SNTB1: variants seen among roughly 807,000 people sequenced by gnomAD.
The protein encoded by SNTB1 is beta-1-syntrophin.
In SNTB1, 36 loss-of-function variants were observed where a neutral mutation model predicts 48.9. That is an observed-to-expected ratio of 0.74 (90% CI 0.56 to 0.97). The LOEUF is 0.97. SNTB1 is among the 50% of genes least tolerant of loss of function. The pLI, the probability that SNTB1 is intolerant of heterozygous loss-of-function variation, is 0.00. For synonymous variants in SNTB1, 299 were observed against 294.6 expected, an observed-to-expected ratio of 1.01 and a Z score of -0.15; for missense variants, 786 against 703.4, an observed-to-expected ratio of 1.12 and a Z score of -1.33.
Position 120,805,709 on chromosome 8 carries a change from T to C in SNTB1, c.571+5564A>G, listed in dbSNP as rs538078535. 4.6e-5 allele frequency among the ~76,000 whole-genome samples: 7 copies of C among 152,354 alleles called. No homozygotes were observed. The East Asian group carries it at 1.3e-3, about 29-fold the overall frequency. On this transcript the variant is annotated intron_variant, in intron 1 of 6. Coordinates refer to ENST00000517992, the MANE Select transcript of SNTB1 (RefSeq NM_021021.4). ...TACTAGGGTTTCTAGTAATTTGTTATAGCAGCAATAGAAAACTAGTACACC... is the reference window on the plus strand; with the variant it reads ...TACTAGGGTTTCTAGTAATTTGTTACAGCAGCAATAGAAAACTAGTACACC...
chr8:120,754,917 G>T (rs1819287842), intron 1 of SNTB1, among the ~76,000 whole-genome samples: 2 of 152,294 alleles, frequency 1.3e-5, no homozygotes, highest in African/African-American at 4.8e-5. Flanking sequence ...CGACAAGCAA[G>T]ATTATGAGTC....
intron 1 of SNTB1, among the ~76,000 whole-genome samples, chr8:120,704,264 A>C (rs1211620987): frequency 1.3e-5 from 2 of 152,170 alleles, no homozygotes; most frequent in African/African-American, 4.8e-5. Flanking sequence ...TAGCCTGAGC[A>C]ATACAGCATG....
At chr8:120,753,141 G>A (rs1819252182) in intron 1 of SNTB1, among the ~76,000 whole-genome samples, 1 of 151,950 alleles carries the variant, frequency 6.6e-6, no homozygotes, top group Non-Finnish European at 1.5e-5. Flanking sequence ...CAGGCAGTTT[G>A]GGCATAGAAA....
At chr8:120,675,136 C>T (rs1373578745) in intron 2 of SNTB1, among the ~76,000 whole-genome samples, 2 of 152,188 alleles carry the variant, frequency 1.3e-5, no homozygotes, top group African/African-American at 4.8e-5. Flanking sequence ...CAGTGGTCTT[C>T]ATCTGGGACC....
intron 1 of SNTB1, among the ~76,000 whole-genome samples, chr8:120,768,282 C>T (rs1002139994): frequency 6.6e-6 from 1 of 152,326 alleles, no homozygotes; most frequent in South Asian, 2.1e-4. Flanking sequence ...AGCACTAGAA[C>T]TTCAGCCATG....
chr8:120,705,497 G>T (rs1170318497), intron 1 of SNTB1, among the ~76,000 whole-genome samples: 1 of 152,154 alleles, frequency 6.6e-6, no homozygotes, highest in Non-Finnish European at 1.5e-5. Context: ...AATCAACAGG[G>T]GTAAGATTTG....
chr8:120,744,425 C>G (rs1194632436), intron 1 of SNTB1, among the ~76,000 whole-genome samples: 1 of 152,166 alleles, frequency 6.6e-6, no homozygotes, highest in Non-Finnish European at 1.5e-5. Context: ...CTTAGCCCCT[C>G]TACCAACCCT....
intron 2 of SNTB1, among the ~76,000 whole-genome samples, chr8:120,644,268 C>T (rs983373674): frequency 6.7e-6 from 1 of 150,110 alleles, no homozygotes; most frequent in East Asian, 2.0e-4. Context: ...CCCACTAACT[C>T]GTCATCTAGC....
chr8:120,548,577 A>C lies in SNTB1; in HGVS notation c.1333+185T>G, dbSNP rs118181107. ...ATGAAGGTAGGATAAGTCTTTCTATAATCAAAGCCTTAGGTTACATTTTAG... is the reference window on the plus strand; with the variant it reads ...ATGAAGGTAGGATAAGTCTTTCTATCATCAAAGCCTTAGGTTACATTTTAG... On this transcript the variant is annotated intron_variant, in intron 5 of 6. Transcript: ENST00000517992. Among the ~76,000 whole-genome samples the C allele has an allele frequency of 1.6e-3, 236 of 152,256 alleles. 4 individuals carry two copies. The East Asian group carries it at 0.039, about 25-fold the overall frequency.
intron 3 of SNTB1, among the ~76,000 whole-genome samples, chr8:120,611,484 C>T (rs1816620580): frequency 6.6e-6 from 1 of 152,044 alleles, no homozygotes; most frequent in Non-Finnish European, 1.5e-5. Context: ...GAATAATTAC[C>T]TCTGAGACGA....
rs1815932486 is a variant in SNTB1, at chr8:120,575,243, G to T, written c.997-18C>A. ...CCTGGCACCTGAAAAAGAAAGCAGA[G>T]AACTGTCAAATGACAGCCTGAGGAA... On this transcript the variant is annotated intron_variant, in intron 3 of 6. Coordinates refer to ENST00000517992, the MANE Select transcript of SNTB1 (RefSeq NM_021021.4). 2 of 1,614,084 alleles carry T rather than the reference G, an allele frequency of 1.2e-6. No individual in the cohort carries two copies. Among genetic ancestry groups the T allele is most frequent in the Non-Finnish European group, 1.7e-6 (2 of 1,179,972 alleles).
At chr8:120,564,374 C>T (rs941658257) in intron 4 of SNTB1, among the ~76,000 whole-genome samples, 3 of 148,472 alleles carry the variant, frequency 2.0e-5, no homozygotes, top group South Asian at 2.2e-4. Context: ...ATAGGGCAGC[C>T]GTCCCAGGAA....
intron 1 of SNTB1, among the ~76,000 whole-genome samples, chr8:120,774,093 T>C (rs111419167): frequency 4.7e-4 from 71 of 152,358 alleles, no homozygotes; most frequent in Non-Finnish European, 2.6e-4. Context: ...CCAAAGCCGA[T>C]GTTCCTTCCA....
chr8:120,634,411 G>T (rs1817039377), intron 2 of SNTB1, among the ~76,000 whole-genome samples: 1 of 152,078 alleles, frequency 6.6e-6, no homozygotes, highest in East Asian at 1.9e-4. Flanking sequence ...CCCCTTAACA[G>T]AGGAAAAAAT....
intron 1 of SNTB1, among the ~76,000 whole-genome samples, chr8:120,805,436 G>A (rs565027846): frequency 6.6e-6 from 1 of 152,244 alleles, no homozygotes; most frequent in Admixed American, 6.5e-5. Flanking sequence ...AAAGAGACTG[G>A]AATGATTTGA....
At chr8:120,607,120 C>T (rs1242494528) in intron 3 of SNTB1, among the ~76,000 whole-genome samples, 1 of 151,732 alleles carries the variant, frequency 6.6e-6, no homozygotes, top group East Asian at 1.9e-4. Context: ...TTTACATAAA[C>T]AAAAAACATT....
chr8:120,765,182 G>T (rs1270132308), intron 1 of SNTB1, among the ~76,000 whole-genome samples: 1 of 152,172 alleles, frequency 6.6e-6, no homozygotes, highest in East Asian at 1.9e-4. Context: ...CCAAGATCCT[G>T]CCACGGCACT....
intron 3 of SNTB1, among the ~76,000 whole-genome samples, chr8:120,614,248 T>C (rs1200482624): frequency 6.6e-6 from 1 of 152,208 alleles, no homozygotes; most frequent in African/African-American, 2.4e-5. Context: ...TTAAGAGAGA[T>C]ACCCTGTCCA....
intron 1 of SNTB1, among the ~76,000 whole-genome samples, chr8:120,720,738 A>G (rs955313873): frequency 1.3e-5 from 2 of 152,214 alleles, no homozygotes; most frequent in African/African-American, 4.8e-5. Flanking sequence ...TTTTGGCAGG[A>G]TGTTGGGCTA....
Sources: gnomAD v4.1 joint callset for allele counts (sites outside exome capture counted in the v4.1 genomes callset) on GRCh38, gnomAD v4.1.1 for gene constraint, MANE v1.5 for transcripts, NCBI Gene and HGNC (gene_info 2026-07-23, HGNC 2026-07-21) for gene names.